The following C11orf87 variants were observed in gnomAD, a reference collection of about 807,000 sequenced individuals.
C11orf87 encodes uncharacterized protein C11orf87.
In C11orf87, 3 loss-of-function variants were observed where a neutral mutation model predicts 9.2. The observed-to-expected ratio is 0.33, with a 90% CI of 0.15 to 0.84. The LOEUF (loss-of-function observed/expected upper bound fraction) is 0.84. Among genes scored for constraint, C11orf87 ranks in the 40% least tolerant of loss-of-function variants. The pLI is 0.55. For synonymous variants in C11orf87, 124 were observed against 124.6 expected, an observed-to-expected ratio of 1.00 and a Z score of 0.03; for missense variants, 256 against 270.7, an observed-to-expected ratio of 0.95 and a Z score of 0.38.
chr11:109,423,428 C>T lies in C11orf87; in HGVS notation c.-206C>T. 1.7e-6 allele frequency: 1 copy of T among 587,144 alleles called. No homozygotes were observed. The highest frequency in any genetic ancestry group is 2.2e-5 in the South Asian group (1 of 45,576). 36.4% of individuals were successfully genotyped at this position (587,144 alleles called of 1,614,324 possible). ...CGTGGAGACGTGTTCGAGGTGGTAT[C>T]GGCGAGGATCTCTCGGGCGCCGCTC... is the stretch of plus-strand genomic sequence containing the variant. On this transcript the variant is annotated 5_prime_UTR_variant, in exon 2 of 2. Coordinates refer to ENST00000327419, the MANE Select transcript of C11orf87 (RefSeq NM_207645.4). This position sits in a 1 kb window ranked among gnomAD's most constrained non-coding sequence, Gnocchi z 5.3.
rs1860519661 is a variant in C11orf87, at chr11:109,423,283, C to A, written c.-259-92C>A. ...CAGCGCCCAGCTCAGGCAGTGTGCC[C>A]AGAGGGCCGCTTTGCGGTGGTGGTT... On this transcript the variant is annotated intron_variant, in intron 1 of 1. Transcript: ENST00000327419. This position sits in a 1 kb window ranked among gnomAD's most constrained non-coding sequence, Gnocchi z 5.3. 2.8e-6 allele frequency: 1 copy of A among 351,646 alleles called. No individual in the cohort carries two copies. Among genetic ancestry groups the A allele is most frequent in the African/African-American group, 2.2e-5 (1 of 45,954 alleles). 21.8% of individuals were successfully genotyped at this position (351,646 alleles called of 1,614,324 possible).
At position 109,425,248 on chromosome 11, in the gene C11orf87, TTTC is replaced by T. The variant is rs1171009352; in HGVS notation, c.*1024_*1026del. 4 of 166,926 alleles carry T rather than the reference TTTC, an allele frequency of 2.4e-5. No individual in the cohort carries two copies. Among genetic ancestry groups the T allele is most frequent in the Admixed American group, 1.3e-4 (2 of 15,282 alleles). The allele number at this position is 166,926 out of a possible 1,614,324, so 10.3% of individuals were successfully genotyped here. On this transcript the variant is annotated 3_prime_UTR_variant, in exon 2 of 2. Coordinates refer to ENST00000327419, the MANE Select transcript of C11orf87 (RefSeq NM_207645.4). ...AATCGAGTTAGCGTGTACTATTGGT[TTTC>T]TTATTATTAAACATTGCATAAGTTA...
chr11:109,424,404 A>C lies in C11orf87; in HGVS notation c.*177A>C. 1 of 562,524 alleles carries C rather than the reference A, an allele frequency of 1.8e-6. No homozygotes were observed. The highest frequency in any genetic ancestry group is 3.2e-6 in the Non-Finnish European group (1 of 314,330). The allele number at this position is 562,524 out of a possible 1,614,324, so 34.8% of individuals were successfully genotyped here. On this transcript the variant is annotated 3_prime_UTR_variant, in exon 2 of 2. Coordinates refer to ENST00000327419, the MANE Select transcript of C11orf87 (RefSeq NM_207645.4). This position sits in a 1 kb window ranked among gnomAD's most constrained non-coding sequence, Gnocchi z 4.7. ...GCCGAGGCACTGTGCGGTATTTGTA[A>C]ATATTGGGCGAGGAAAGTCTCGGAA...
rs756386089 is a variant in C11orf87, at chr11:109,423,996, G to A, written c.363G>A (p.Gln121=). 2 of 1,613,806 alleles carry A rather than the reference G, an allele frequency of 1.2e-6. No individual in the cohort carries two copies. The highest frequency in any genetic ancestry group is 2.2e-5 in the East Asian group (1 of 44,878). ...GGGGLPRPGR[Q]APTHAKETRL... is the part of the protein sequence containing the mutation. ...GGGGGCTGCCCCGACCTGGCAGGCA[G>A]GCCCCAACCCACGCAAAGGAAACCC... Residue 121 remains glutamine, a synonymous_variant, in exon 2 of 2, where the codon CAG becomes CAA. Coordinates refer to ENST00000327419, the MANE Select transcript of C11orf87 (RefSeq NM_207645.4). The surrounding 1 kb of genome is among the most constrained non-coding windows in gnomAD (Gnocchi z 5.3).
At position 109,425,933 on chromosome 11, in the gene C11orf87, C is replaced by G. The variant is rs1018512899; in HGVS notation, c.*1706C>G. 1 of 152,314 alleles carries G rather than the reference C, an allele frequency of 6.6e-6. No homozygotes were observed. The highest frequency in any genetic ancestry group is 1.5e-5 in the Non-Finnish European group (1 of 68,014). 9.4% of individuals were successfully genotyped at this position (152,314 alleles called of 1,614,324 possible). A position where few individuals can be genotyped will look rare whatever the true frequency, so the allele number is the denominator to read the frequency against. On this transcript the variant is annotated 3_prime_UTR_variant, in exon 2 of 2. Coordinates refer to ENST00000327419, the MANE Select transcript of C11orf87 (RefSeq NM_207645.4). ...CTGTGCCTGCAGCAAAAGAAAGGCT[C>G]TCTTTCTCAGTCTGTCCTAACTTCA...
Position 109,425,984 on chromosome 11 carries a change from AAAAG to A in C11orf87, c.*1762_*1765del, listed in dbSNP as rs1198221687. On this transcript the variant is annotated 3_prime_UTR_variant, in exon 2 of 2. Transcript: ENST00000327419. The stretch of plus-strand genomic sequence containing the variant: ...CTGAACATACAAAAATACTGAGAAA[AAAAG>A]AAAGTGAGAAAATAAGATAAATATT... 6 of 152,246 alleles carry A rather than the reference AAAAG, an allele frequency of 3.9e-5. No homozygotes were observed. Among genetic ancestry groups the A allele is most frequent in the Admixed American group, 2.6e-4 (4 of 15,286 alleles). The allele number at this position is 152,246 out of a possible 1,614,324, so 9.4% of individuals were successfully genotyped here. A position where few individuals can be genotyped will look rare whatever the true frequency, so the allele number is the denominator to read the frequency against.
In C11orf87 at chr11:109,423,447, G is replaced by A; in HGVS notation, c.-187G>A. 3.3e-6 allele frequency: 2 copies of A among 601,036 alleles called. No homozygotes were observed. Among genetic ancestry groups the A allele is most frequent in the Non-Finnish European group, 5.8e-6 (2 of 344,446 alleles). The allele number at this position is 601,036 out of a possible 1,614,324, so 37.2% of individuals were successfully genotyped here. ...TGGTATCGGCGAGGATCTCTCGGGC[G>A]CCGCTCACTCCTTGGTCGCCTTGCT... On this transcript the variant is annotated 5_prime_UTR_variant, in exon 2 of 2. Transcript: ENST00000327419. The surrounding 1 kb of genome is among the most constrained non-coding windows in gnomAD (Gnocchi z 5.3).
At position 109,424,473 on chromosome 11, in the gene C11orf87, AATT is replaced by A. The variant is rs1264993183; in HGVS notation, c.*252_*254del. ...ATAATACTTTATTAATATTTATAGT[AATT>A]ATTATAATACTAATAACACAATCCA... On this transcript the variant is annotated 3_prime_UTR_variant, in exon 2 of 2. Transcript: ENST00000327419. This position sits in a 1 kb window ranked among gnomAD's most constrained non-coding sequence, Gnocchi z 4.7. The A allele has an allele frequency of 1.5e-5, 4 of 261,746 alleles. No homozygotes were observed. The highest frequency in any genetic ancestry group is 3.0e-5 in the Non-Finnish European group (4 of 132,020). The allele number at this position is 261,746 out of a possible 1,614,324, so 16.2% of individuals were successfully genotyped here.
Position 109,422,203 on chromosome 11 carries a change from T to C in C11orf87, c.-320T>C. 1 of 209,368 alleles carries C rather than the reference T, an allele frequency of 4.8e-6. No homozygotes were observed. The highest frequency in any genetic ancestry group is 5.7e-5 in the South Asian group (1 of 17,416). The allele number at this position is 209,368 out of a possible 1,614,324, so 13.0% of individuals were successfully genotyped here. On this transcript the variant is annotated 5_prime_UTR_variant, in exon 1 of 2. Transcript: ENST00000327419. ...TCTGGTCCATTCACTCCACGCTTTC[T>C]GCAGCCGCCACTGCAGCCGCGCGGC...
rs747444457 is a variant in C11orf87 at position 109,423,716 on chromosome 11, G to A, written c.83G>A (p.Ser28Asn). The A allele has an allele frequency of 1.2e-6, 2 of 1,613,476 alleles. No individual in the cohort carries two copies. Among genetic ancestry groups the A allele is most frequent in the South Asian group, 2.2e-5 (2 of 91,062 alleles). ...LNRTFASPNA[S>N]GSGNTGARGP... is the part of the protein sequence containing the mutation. ...CGGACCTTTGCTTCCCCCAACGCCA[G>A]CGGCAGCGGCAACACGGGTGCCCGC... The change falls in exon 2 of 2, where the codon AGC becomes AAC. Residue 28 changes from serine (S) to asparagine (N), a missense_variant. Physicochemically the swap from Ser to Asn is conservative, Grantham distance 46. Coordinates refer to ENST00000327419, the MANE Select transcript of C11orf87 (RefSeq NM_207645.4). This position sits in a 1 kb window ranked among gnomAD's most constrained non-coding sequence, Gnocchi z 5.3.
Position 109,426,143 on chromosome 11 carries a change from G to A in C11orf87, c.*1916G>A, listed in dbSNP as rs562622604. ...AAGCATATTACAATATTAATTATAT[G>A]CAGTGACATCTCTTCTTGGAAATCA... On this transcript the variant is annotated 3_prime_UTR_variant, in exon 2 of 2. Transcript: ENST00000327419. 6.6e-6 allele frequency: 1 copy of A among 152,298 alleles called. No individual in the cohort carries two copies. The highest frequency in any genetic ancestry group is 2.1e-4 in the South Asian group (1 of 4,820). The allele number at this position is 152,298 out of a possible 1,614,324, so 9.4% of individuals were successfully genotyped here.
rs575383037 is a variant in C11orf87, at chr11:109,423,011, G to T, written c.-259-364G>T. ...TAGGATCCAGGCGAAGACATCAACC[G>T]AGAGGGCGCAGAAAAGAGGAGAGCC... On this transcript the variant is annotated intron_variant, in intron 1 of 1. Coordinates refer to ENST00000327419, the MANE Select transcript of C11orf87 (RefSeq NM_207645.4). The surrounding 1 kb of genome is among the most constrained non-coding windows in gnomAD (Gnocchi z 5.3). Among the ~76,000 whole-genome samples the T allele has an allele frequency of 6.6e-6, 1 of 152,104 alleles. No individual in the cohort carries two copies. The highest frequency in any genetic ancestry group is 2.1e-4 in the South Asian group (1 of 4,832).
rs1591275582 is a variant in C11orf87 at position 109,425,964 on chromosome 11, C to T, written c.*1737C>T. On this transcript the variant is annotated 3_prime_UTR_variant, in exon 2 of 2. Coordinates refer to ENST00000327419, the MANE Select transcript of C11orf87 (RefSeq NM_207645.4). The stretch of plus-strand genomic sequence containing the variant: ...CTCAGTCTGTCCTAACTTCACTGAA[C>T]ATACAAAAATACTGAGAAAAAAAGA... 4 of 152,078 alleles carry T rather than the reference C, an allele frequency of 2.6e-5. No homozygotes were observed. Among genetic ancestry groups the T allele is most frequent in the Admixed American group, 2.6e-4 (4 of 15,268 alleles). 9.4% of individuals were successfully genotyped at this position (152,078 alleles called of 1,614,324 possible).
At position 109,428,406 on chromosome 11, in the gene C11orf87, A is replaced by C. The variant is rs542789922; in HGVS notation, c.*4179A>C. On this transcript the variant is annotated 3_prime_UTR_variant, in exon 2 of 2. Transcript: ENST00000327419. ...TCTATCTGTATCAATTGTATTAATT[A>C]GATAATGGTTAAATTTTTATTTTTT... The C allele has an allele frequency of 2.6e-5, 4 of 152,176 alleles. 1 individual carries two copies. Among genetic ancestry groups the C allele is most frequent in the Non-Finnish European group, 5.9e-5 (4 of 67,996 alleles). 9.4% of individuals were successfully genotyped at this position (152,176 alleles called of 1,614,324 possible). A position where few individuals can be genotyped will look rare whatever the true frequency, so the allele number is the denominator to read the frequency against.
rs1305969932 is a variant in C11orf87, at chr11:109,428,870, C to G, written c.*4643C>G. 6.6e-6 allele frequency: 1 copy of G among 152,134 alleles called. No homozygotes were observed. The highest frequency in any genetic ancestry group is 1.9e-4 in the East Asian group (1 of 5,202). 9.4% of individuals were successfully genotyped at this position (152,134 alleles called of 1,614,324 possible). On this transcript the variant is annotated 3_prime_UTR_variant, in exon 2 of 2. Coordinates refer to ENST00000327419, the MANE Select transcript of C11orf87 (RefSeq NM_207645.4). ...TAGCTGACAATAAGAATTTAATCAACTTTATTTGGAGACAATGACTTATCA... is the reference window on the plus strand; with the variant it reads ...TAGCTGACAATAAGAATTTAATCAAGTTTATTTGGAGACAATGACTTATCA...
In C11orf87 at chr11:109,425,413, G is replaced by GA. The variant is rs911359388; in HGVS notation, c.*1193dup. ...ATTTAGTATATTGGTACCAAATACA[G>GA]AAAAAAACTATAGTTCTGTACTATG... On this transcript the variant is annotated 3_prime_UTR_variant, in exon 2 of 2. Transcript: ENST00000327419. 1.2e-5 allele frequency: 2 copies of GA among 166,892 alleles called. No homozygotes were observed. The highest frequency in any genetic ancestry group is 2.4e-5 in the African/African-American group (1 of 41,398). 10.3% of individuals were successfully genotyped at this position (166,892 alleles called of 1,614,324 possible). A position where few individuals can be genotyped will look rare whatever the true frequency, so the allele number is the denominator to read the frequency against.
chr11:109,423,559 C>T lies in C11orf87; in HGVS notation c.-75C>T. ...AGTTTTGGGTGGCGTGGGCTCCGTC[C>T]TCTTCTTGGCTGGTAGGAACGGTGT... On this transcript the variant is annotated 5_prime_UTR_variant, in exon 2 of 2. Coordinates refer to ENST00000327419, the MANE Select transcript of C11orf87 (RefSeq NM_207645.4). The surrounding 1 kb of genome is among the most constrained non-coding windows in gnomAD (Gnocchi z 5.3). The T allele has an allele frequency of 2.1e-6, 3 of 1,429,642 alleles. No individual in the cohort carries two copies. Among genetic ancestry groups the T allele is most frequent in the South Asian group, 1.3e-5 (1 of 75,684 alleles). 88.6% of individuals were successfully genotyped at this position (1,429,642 alleles called of 1,614,324 possible).
At position 109,423,383 on chromosome 11, in the gene C11orf87, C is replaced by T; in HGVS notation, c.-251C>T. 1.8e-6 allele frequency: 1 copy of T among 560,022 alleles called. No individual in the cohort carries two copies. Among genetic ancestry groups the T allele is most frequent in the South Asian group, 2.4e-5 (1 of 41,612 alleles). 34.7% of individuals were successfully genotyped at this position (560,022 alleles called of 1,614,324 possible). On this transcript the variant is annotated 5_prime_UTR_variant, in exon 2 of 2. Coordinates refer to ENST00000327419, the MANE Select transcript of C11orf87 (RefSeq NM_207645.4). The surrounding 1 kb of genome is among the most constrained non-coding windows in gnomAD (Gnocchi z 5.3). ...GCTTTGTGTCTTTGCAGCCTGGTGC[C>T]TCTGCAAAGGAAAGGGGAGCGTGGA...
rs1413179153 is a variant in C11orf87 at position 109,422,204 on chromosome 11, G to T, written c.-319G>T. 9.6e-6 allele frequency: 2 copies of T among 208,754 alleles called. No homozygotes were observed. The highest frequency in any genetic ancestry group is 3.5e-4 in the East Asian group (2 of 5,754). The allele number at this position is 208,754 out of a possible 1,614,324, so 12.9% of individuals were successfully genotyped here. On this transcript the variant is annotated 5_prime_UTR_variant, in exon 1 of 2. Coordinates refer to ENST00000327419, the MANE Select transcript of C11orf87 (RefSeq NM_207645.4). ...CTGGTCCATTCACTCCACGCTTTCT[G>T]CAGCCGCCACTGCAGCCGCGCGGCG...
Sources: gnomAD v4.1 joint callset for allele counts (sites outside exome capture counted in the v4.1 genomes callset) on GRCh38, gnomAD v4.1.1 for gene constraint, Gnocchi (gnomAD v3.1) non-coding constraint, MANE v1.5 for transcripts, NCBI Gene and HGNC (gene_info 2026-07-23, HGNC 2026-07-21) for gene names.